CAPZB: variants seen among roughly 807,000 people sequenced by gnomAD.
CAPZB encodes the protein F-actin-capping protein subunit beta.
In CAPZB, 2 loss-of-function variants were observed where a neutral mutation model predicts 38.1. That is an observed-to-expected ratio of 0.05 (90% CI 0.02 to 0.17). The LOEUF (loss-of-function observed/expected upper bound fraction) is 0.17. Ranked by LOEUF, CAPZB falls within the 10% of genes least tolerant of loss-of-function variation. CAPZB has a pLI of 1.00. For synonymous variants in CAPZB, 107 were observed against 127.4 expected (o/e 0.84, Z 1.08); for missense variants, 161 against 334.2 (o/e 0.48, Z 4.04).
At chr1:19,430,727 T>C (rs1403132700) in intron 1 of CAPZB, among the ~76,000 whole-genome samples, 3 of 152,024 alleles carry the variant, frequency 2.0e-5, no homozygotes, top group Non-Finnish European at 4.4e-5. Context: ...CACCCGCACC[T>C]GCACCCGCAC....
At chr1:19,368,495 GAAAA>G (rs33961282) in intron 4 of CAPZB, among the ~76,000 whole-genome samples, 2,193 of 112,720 alleles carry the variant, frequency 0.019, 66 homozygotes, top group African/African-American at 0.066. Context: ...TTTTTTCTTG[GAAAA>G]AAAAAAAAAA....
At chr1:19,428,634 A>G (rs1442070958) in intron 1 of CAPZB, among the ~76,000 whole-genome samples, 2 of 152,200 alleles carry the variant, frequency 1.3e-5, no homozygotes, top group South Asian at 2.1e-4. Flanking sequence ...CTGCTCCTTC[A>G]TTTGACGATG....
chr1:19,444,011 AGCCGGGC>A (rs974862856), intron 1 of CAPZB, among the ~76,000 whole-genome samples: 8 of 152,204 alleles, frequency 5.3e-5, no homozygotes, highest in African/African-American at 1.9e-4. Context: ...TACAAAAATT[AGCCGGGC>A]GTGGCGGAGC....
intron 4 of CAPZB, among the ~76,000 whole-genome samples, chr1:19,370,104 G>A (rs2094111850): frequency 6.6e-6 from 1 of 152,144 alleles, no homozygotes; most frequent in South Asian, 2.1e-4. Flanking sequence ...ATGACACCCA[G>A]AGCCCGCACC....
intron 2 of CAPZB, among the ~76,000 whole-genome samples, chr1:19,415,232 C>G (rs1273800821): frequency 6.6e-6 from 1 of 152,206 alleles, no homozygotes; most frequent in Non-Finnish European, 1.5e-5. Flanking sequence ...CAACAATCTC[C>G]CCCCCTTCAT....
At chr1:19,413,254 C>T (rs1054774669) in intron 2 of CAPZB, among the ~76,000 whole-genome samples, 1 of 152,220 alleles carries the variant, frequency 6.6e-6, no homozygotes, top group Non-Finnish European at 1.5e-5. Flanking sequence ...AAACACAGTG[C>T]CTGACTTCCA....
chr1:19,476,482 G>A (rs769622128), intron 1 of CAPZB, among the ~76,000 whole-genome samples: 4 of 152,180 alleles, frequency 2.6e-5, no homozygotes, highest in Non-Finnish European at 5.9e-5. Context: ...ACTGTATATG[G>A]TGACCAGGGC....
intron 8 of CAPZB, among the ~76,000 whole-genome samples, chr1:19,343,311 G>A (rs1428781658): frequency 6.6e-6 from 1 of 152,216 alleles, no homozygotes; most frequent in African/African-American, 2.4e-5. Context: ...TTTTAAAACT[G>A]TAAAGCAGGT....
In CAPZB at chr1:19,339,441, A is replaced by G. The variant is rs1569838657; in HGVS notation, c.*89T>C. 2.2e-6 allele frequency: 2 copies of G among 920,270 alleles called. No homozygotes were observed. The highest frequency in any genetic ancestry group is 3.4e-5 in the Admixed American group (2 of 58,822). The allele number at this position is 920,270 out of a possible 1,614,324, so 57.0% of individuals were successfully genotyped here. ...CTGTTATGTGACCTGTCGGGGAGGGAAGGGACGAGGGAAGGGAGCAGAAAA... is the reference window on the plus strand; with the variant it reads ...CTGTTATGTGACCTGTCGGGGAGGGGAGGGACGAGGGAAGGGAGCAGAAAA... On this transcript the variant is annotated 3_prime_UTR_variant, in exon 9 of 9. Coordinates refer to ENST00000264202, the MANE Select transcript of CAPZB (RefSeq NM_004930.5).
intron 2 of CAPZB, among the ~76,000 whole-genome samples, chr1:19,397,424 T>C (rs2094277507): frequency 6.6e-6 from 1 of 152,210 alleles, no homozygotes; most frequent in South Asian, 2.1e-4. Flanking sequence ...GCAACTTGGC[T>C]ATGGTCACAC....
intron 1 of CAPZB, among the ~76,000 whole-genome samples, chr1:19,434,300 C>T (rs530027752): frequency 5.3e-5 from 8 of 152,262 alleles, no homozygotes; most frequent in African/African-American, 1.9e-4. Context: ...TCGATTCCTT[C>T]ATCTGTTTAG....
intron 4 of CAPZB, 119 bp downstream of exon 4, chr1:19,378,421 G>A: frequency 1.5e-6 from 1 of 673,886 alleles, no homozygotes; most frequent in Non-Finnish European, 2.7e-6. Context: ...GCTTGGCCGG[G>A]TAACAGATTC....
Position 19,439,546 on chromosome 1 carries a change from G to A in CAPZB, c.4-19796C>T, listed in dbSNP as rs998207202. Reference sequence around the variant, plus strand: ...CATGTCCCCAGTCAGCCTGTGTCACGCGGTGCTGGCTGTTTGGCAGCTCTG... The same window carrying A: ...CATGTCCCCAGTCAGCCTGTGTCACACGGTGCTGGCTGTTTGGCAGCTCTG... On this transcript the variant is annotated intron_variant, in intron 1 of 8. Coordinates refer to ENST00000264202, the MANE Select transcript of CAPZB (RefSeq NM_004930.5). Among the ~76,000 whole-genome samples the A allele has an allele frequency of 4.6e-5, 7 of 152,142 alleles. No individual in the cohort carries two copies. The East Asian group carries it at 1.2e-3, about 25-fold the overall frequency.
chr1:19,479,400 C>T (rs533670746), intron 1 of CAPZB, among the ~76,000 whole-genome samples: 4 of 152,286 alleles, frequency 2.6e-5, no homozygotes, highest in Admixed American at 2.0e-4. Flanking sequence ...GCTACCCAGA[C>T]TGAAATCCCC....
At chr1:19,380,851 G>A (rs2094170447) in intron 3 of CAPZB, among the ~76,000 whole-genome samples, 1 of 151,658 alleles carries the variant, frequency 6.6e-6, no homozygotes, top group African/African-American at 2.4e-5. Flanking sequence ...TCAACTACAC[G>A]CTCATTAAAA....
chr1:19,356,740 G>A lies in CAPZB; in HGVS notation c.483C>T (p.Ser161=), dbSNP rs1379554520. 4 of 1,611,712 alleles carry A rather than the reference G, an allele frequency of 2.5e-6. No homozygotes were observed. The highest frequency in any genetic ancestry group is 2.2e-5 in the East Asian group (1 of 44,888). Residue 161 remains serine, a synonymous_variant, in exon 6 of 9, where the codon AGC becomes AGT. Coordinates refer to ENST00000264202, the MANE Select transcript of CAPZB (RefSeq NM_004930.5). The surrounding 1 kb of genome is among the most constrained non-coding windows in gnomAD (Gnocchi z 4.3). ...TCAACTTGTAATGGGCGGTGCGACCGCTGGATTTCTCCTGGAAGGACAAGA... is the reference window on the plus strand; with the variant it reads ...TCAACTTGTAATGGGCGGTGCGACCACTGGATTTCTCCTGGAAGGACAAGA... ...IHVVEVQEKS[S]GRTAHYKLTS...
intron 1 of CAPZB, among the ~76,000 whole-genome samples, chr1:19,436,412 G>A (rs72653929): frequency 0.17 from 26,514 of 152,080 alleles, 2,609 homozygotes; most frequent in South Asian, 0.29. Flanking sequence ...CACAAGAGTA[G>A]TGATGCCAGC....
chr1:19,430,650 AT>A lies in CAPZB; in HGVS notation c.4-10901del, dbSNP rs375518603. The stretch of plus-strand genomic sequence containing the variant: ...CTCTTCTATTTCCCCTTTAAGGCAT[AT>A]ATCTCTTACCCCTGCACCCACCAAC... On this transcript the variant is annotated intron_variant, in intron 1 of 8. Coordinates refer to ENST00000264202, the MANE Select transcript of CAPZB (RefSeq NM_004930.5). Among the ~76,000 whole-genome samples the A allele has an allele frequency of 2.3e-3, 346 of 152,172 alleles. 2 individuals carry two copies. In the South Asian group the frequency reaches 0.024, roughly 10 times the overall value.
At chr1:19,430,759 T>C (rs2094439333) in intron 1 of CAPZB, among the ~76,000 whole-genome samples, 1 of 152,196 alleles carries the variant, frequency 6.6e-6, no homozygotes, top group Admixed American at 6.5e-5. Context: ...TGCTGATCCC[T>C]GAGCCGTGCA....
Sources: allele counts gnomAD v4.1 joint callset (sites outside exome capture counted in the v4.1 genomes callset), GRCh38; gene constraint gnomAD v4.1.1; non-coding constraint Gnocchi (gnomAD v3.1); transcripts MANE v1.5; gene names NCBI Gene and HGNC (gene_info 2026-07-23, HGNC 2026-07-21).